Variants in TTC17 observed in about 807,000 individuals in gnomAD.
The protein encoded by TTC17 is tetratricopeptide repeat domain 17.
TTC17 carries 58 observed loss-of-function variants against 143.8 expected under a neutral mutation model. The ratio of observed to expected loss-of-function variants is 0.40; its 90% confidence interval spans 0.33 to 0.50. TTC17 has a LOEUF of 0.50. Among genes scored for constraint, TTC17 ranks in the 20% least tolerant of loss-of-function variants. The probability of loss-of-function intolerance (pLI) is 0.49; values close to 1 mark genes in which losing one functional copy is unlikely to be tolerated. For synonymous variants in TTC17, 501 were observed against 497.8 expected (o/e 1.01, Z -0.09); for missense variants, 1,273 against 1,392.5 (o/e 0.91, Z 1.37).
At chr11:43,483,216 A>G (rs1373411112) in intron 21 of TTC17, among the ~76,000 whole-genome samples, 1 of 152,092 alleles carries the variant, frequency 6.6e-6, no homozygotes, top group Non-Finnish European at 1.5e-5. Flanking sequence ...AAAGATTACA[A>G]CAAGGTCTGT....
At position 43,444,133 on chromosome 11, in the gene TTC17, T is replaced by A; in HGVS notation, c.2589T>A (p.Gly863=). The change falls in exon 18 of 24, where the codon GGT becomes GGA. Residue 863 remains glycine, a synonymous_variant. Coordinates refer to ENST00000039989, the MANE Select transcript of TTC17 (RefSeq NM_018259.6). ...CTCCTGGGAAAAAAGTAGAAACAGG[T>A]CAGATAGAAAATGGACATCGTTACC... is the stretch of plus-strand genomic sequence containing the variant. The part of the protein sequence containing the change: ...KKTPGKKVET[G]QIENGHRYQA... 1 of 1,613,232 alleles carries A rather than the reference T, an allele frequency of 6.2e-7. No homozygotes were observed. The highest frequency in any genetic ancestry group is 8.5e-7 in the Non-Finnish European group (1 of 1,179,592).
intron 8 of TTC17, among the ~76,000 whole-genome samples, chr11:43,398,743 T>C (rs977490801): frequency 2.0e-5 from 3 of 152,226 alleles, no homozygotes; most frequent in Admixed American, 6.5e-5. Flanking sequence ...GAAGTGAATT[T>C]TTCATATCTC....
In TTC17 at chr11:43,494,688, C is replaced by G. The variant is rs1948529060; in HGVS notation, c.*784C>G. On this transcript the variant is annotated 3_prime_UTR_variant, in exon 24 of 24. Coordinates refer to ENST00000039989, the MANE Select transcript of TTC17 (RefSeq NM_018259.6). ...GAATATGTATATTTGAAGCCCTCTA[C>G]AGACTGAGTCTATGTTTTACTAATT... is the stretch of plus-strand genomic sequence containing the variant. 1 of 152,166 alleles carries G rather than the reference C, an allele frequency of 6.6e-6. No individual in the cohort carries two copies. The highest frequency in any genetic ancestry group is 6.5e-5 in the Admixed American group (1 of 15,280). The allele number at this position is 152,166 out of a possible 1,614,324, so 9.4% of individuals were successfully genotyped here. A position where few individuals can be genotyped will look rare whatever the true frequency, so the allele number is the denominator to read the frequency against.
intron 5 of TTC17, among the ~76,000 whole-genome samples, chr11:43,394,923 A>G (rs1252785005): frequency 1.3e-5 from 2 of 152,092 alleles, no homozygotes; most frequent in Non-Finnish European, 2.9e-5. Context: ...AATGGCAGAA[A>G]GTGGTCAAAG....
At chr11:43,425,945 C>T (rs1336244619) in intron 16 of TTC17, among the ~76,000 whole-genome samples, 1 of 152,154 alleles carries the variant, frequency 6.6e-6, no homozygotes, top group African/African-American at 2.4e-5. Context: ...TCCTTTAAAC[C>T]TCTTTAGCTG....
At chr11:43,454,582 G>C (rs1000707621) in intron 21 of TTC17, among the ~76,000 whole-genome samples, 4 of 151,824 alleles carry the variant, frequency 2.6e-5, no homozygotes, top group African/African-American at 9.7e-5. Context: ...CTGTATTCGA[G>C]AAATATCCAA....
intron 1 of TTC17, among the ~76,000 whole-genome samples, chr11:43,366,689 A>G (rs955798870): frequency 3.3e-5 from 5 of 152,062 alleles, no homozygotes; most frequent in Non-Finnish European, 5.9e-5. Flanking sequence ...AACTCTTTCT[A>G]TTGACAAGGT....
At chr11:43,440,982 T>C (rs1947404738) in intron 16 of TTC17, among the ~76,000 whole-genome samples, 1 of 151,462 alleles carries the variant, frequency 6.6e-6, no homozygotes, top group Non-Finnish European at 1.5e-5. Context: ...AATTGTTAAC[T>C]CTGGAAGGCT....
chr11:43,489,718 A>G (rs2009537), intron 21 of TTC17: 8,627 of 148,050 alleles, frequency 0.058, 274 homozygotes, highest in African/African-American at 0.093. Context: ...AGCCTGGGCG[A>G]CAGCGAGACT....
chr11:43,399,516 A>G (rs1015959956), intron 8 of TTC17, among the ~76,000 whole-genome samples: 34 of 152,088 alleles, frequency 2.2e-4, no homozygotes, highest in African/African-American at 8.2e-4. Context: ...TTCTAAAACT[A>G]AATTAGCCAG....
intron 21 of TTC17, among the ~76,000 whole-genome samples, chr11:43,455,793 A>T (rs1947751539): frequency 6.6e-6 from 1 of 152,158 alleles, no homozygotes. Context: ...ACAAACCGTT[A>T]AAGACCAAAA....
At position 43,444,314 on chromosome 11, in the gene TTC17, A is replaced by G. The variant is rs897793164; in HGVS notation, c.2665+105A>G. ...TTGAAATAGTTCAGATGAGATGATA[A>G]AGGGGCAAAGTGTGGTCAAGAAACC... On this transcript the variant is annotated intron_variant, in intron 18 of 23. Coordinates refer to ENST00000039989, the MANE Select transcript of TTC17 (RefSeq NM_018259.6). 1.4e-5 allele frequency: 16 copies of G among 1,181,100 alleles called. No homozygotes were observed. The African/African-American group carries it at 2.3e-4, about 17-fold the overall frequency. 73.2% of individuals were successfully genotyped at this position (1,181,100 alleles called of 1,614,324 possible). A position where few individuals can be genotyped will look rare whatever the true frequency, so the allele number is the denominator to read the frequency against.
chr11:43,375,045 AT>A (rs1565131915), intron 1 of TTC17, among the ~76,000 whole-genome samples: 1 of 152,222 alleles, frequency 6.6e-6, no homozygotes, highest in Non-Finnish European at 1.5e-5. Flanking sequence ...GTTTGGGCAA[AT>A]TGTAAGGGCT....
intron 16 of TTC17, among the ~76,000 whole-genome samples, chr11:43,434,669 A>G (rs935090454): frequency 6.6e-6 from 1 of 152,216 alleles, no homozygotes; most frequent in Non-Finnish European, 1.5e-5. Context: ...TAACTACTCA[A>G]AGCTTATTCT....
At chr11:43,420,262 A>G (rs769705610) in intron 16 of TTC17, among the ~76,000 whole-genome samples, 46 of 152,192 alleles carry the variant, frequency 3.0e-4, no homozygotes, top group Non-Finnish European at 5.1e-4. Flanking sequence ...TAATTCTTCT[A>G]CCTTCAGCCA....
intron 8 of TTC17, 131 bp from the exon 9 acceptor site, chr11:43,399,757 G>T (rs888193480): frequency 4.8e-6 from 4 of 834,352 alleles, no homozygotes; most frequent in East Asian, 2.7e-5. Flanking sequence ...GGTGATACAG[G>T]GTTGTATGTT....
chr11:43,471,577 C>G (rs1948093340), intron 21 of TTC17, among the ~76,000 whole-genome samples: 1 of 152,216 alleles, frequency 6.6e-6, no homozygotes, highest in Admixed American at 6.5e-5. Context: ...GACAGCTTCT[C>G]TCAGCATAAG....
In TTC17 at chr11:43,366,073, C is replaced by G. The variant is rs959544964; in HGVS notation, c.159+6960C>G. ...TCGGCTCACTACAACCTCCGCCTCC[C>G]AGGTTCAAGCAATTTTTCTGCCTCA... is the stretch of plus-strand genomic sequence containing the variant. On this transcript the variant is annotated intron_variant, in intron 1 of 23. Transcript: ENST00000039989. 8.6e-5 allele frequency among the ~76,000 whole-genome samples: 13 copies of G among 151,772 alleles called. No individual in the cohort carries two copies. The East Asian group carries it at 2.5e-3, about 30-fold the overall frequency.
intron 15 of TTC17, among the ~76,000 whole-genome samples, chr11:43,413,051 G>A (rs1393452603): frequency 1.3e-5 from 2 of 151,584 alleles, no homozygotes; most frequent in African/African-American, 4.8e-5. Context: ...GTGATGGGGA[G>A]GAACAGAGTT....
Sources: allele counts gnomAD v4.1 joint callset (sites outside exome capture counted in the v4.1 genomes callset), GRCh38; gene constraint gnomAD v4.1.1; transcripts MANE v1.5; gene names NCBI Gene and HGNC (gene_info 2026-07-23, HGNC 2026-07-21).